The following MAN1A2 variants were observed in gnomAD, a reference collection of about 807,000 sequenced individuals.
The protein encoded by MAN1A2 is mannosyl-oligosaccharide 1,2-alpha-mannosidase IB.
MAN1A2 carries 26 observed loss-of-function variants against 75.7 expected under a neutral mutation model. The ratio of observed to expected loss-of-function variants is 0.34; its 90% confidence interval spans 0.25 to 0.48. The LOEUF (loss-of-function observed/expected upper bound fraction) is 0.48. MAN1A2 is among the 20% of genes least tolerant of loss of function. The pLI, the probability that MAN1A2 is intolerant of heterozygous loss-of-function variation, is 0.99. For missense variants in MAN1A2, 562 were observed against 775.5 expected (o/e 0.72, Z 3.27); for synonymous variants, 247 against 264.6 (o/e 0.93, Z 0.65).
At chr1:117,490,932 G>C (rs1650861515) in intron 8 of MAN1A2, among the ~76,000 whole-genome samples, 1 of 150,676 alleles carries the variant, frequency 6.6e-6, no homozygotes, top group Admixed American at 6.6e-5. Context: ...CAAGGCTCTA[G>C]CTCTCTTCAA....
Position 117,377,776 on chromosome 1 carries a change from T to C in MAN1A2, c.302+9291T>C, listed in dbSNP as rs528289994. On this transcript the variant is annotated intron_variant, in intron 1 of 12. Transcript: ENST00000356554. ...TTAATTTCATAGTTTTATAATAGTA[T>C]GCTTTCATATCTGGTAGGTTAAGTT... Among the ~76,000 whole-genome samples, 46 of 152,348 alleles carry C rather than the reference T, an allele frequency of 3.0e-4. 1 individual carries two copies. Among genetic ancestry groups the C allele is most frequent in the South Asian group, 2.1e-3 (10 of 4,830 alleles).
At chr1:117,403,339 C>T (rs1054579612) in intron 2 of MAN1A2, among the ~76,000 whole-genome samples, 1 of 152,150 alleles carries the variant, frequency 6.6e-6, no homozygotes, top group Non-Finnish European at 1.5e-5. Context: ...GAGCTGTGCT[C>T]TGATTTTACC....
intron 3 of MAN1A2, among the ~76,000 whole-genome samples, chr1:117,407,806 A>C (rs758819795): frequency 2.0e-5 from 3 of 152,210 alleles, no homozygotes; most frequent in Non-Finnish European, 2.9e-5. Flanking sequence ...GTGTTTTGAT[A>C]TAATCAAGCT....
intron 6 of MAN1A2, among the ~76,000 whole-genome samples, chr1:117,445,448 C>A (rs1649189498): frequency 6.6e-6 from 1 of 152,058 alleles, no homozygotes; most frequent in South Asian, 2.1e-4. Flanking sequence ...GATAGATAGA[C>A]CTAAATGCAA....
chr1:117,378,210 A>T (rs1326717466), intron 1 of MAN1A2, among the ~76,000 whole-genome samples: 1 of 152,216 alleles, frequency 6.6e-6, no homozygotes, highest in Non-Finnish European at 1.5e-5. Context: ...AGCTTTGTCA[A>T]ATCCTAACAT....
At chr1:117,399,032 A>G (rs1291742268) in intron 1 of MAN1A2, among the ~76,000 whole-genome samples, 1 of 152,180 alleles carries the variant, frequency 6.6e-6, no homozygotes, top group Non-Finnish European at 1.5e-5. Context: ...ATCGCATGCT[A>G]AAAAGAGTAT....
At chr1:117,412,512 C>T (rs1647855877) in intron 3 of MAN1A2, among the ~76,000 whole-genome samples, 1 of 151,304 alleles carries the variant, frequency 6.6e-6, no homozygotes, top group African/African-American at 2.4e-5. Context: ...TCTCATTCTT[C>T]TATTATTTTG....
chr1:117,417,534 A>AATATATATATATATATATATATATAT (rs551507232), intron 4 of MAN1A2, among the ~76,000 whole-genome samples: 1,925 of 88,302 alleles, frequency 0.022, 86 homozygotes, highest in Non-Finnish European at 0.029. Context: ...CTTGAGTTTA[A>AATATATATATATATATATATATATAT]ATATATATAT....
intron 5 of MAN1A2, among the ~76,000 whole-genome samples, chr1:117,437,517 AATTAAG>A (rs1183835979): frequency 6.6e-6 from 1 of 152,146 alleles, no homozygotes; most frequent in East Asian, 1.9e-4. Context: ...TAACTATAAA[AATTAAG>A]ATTAGATAAT....
chr1:117,394,478 A>G, intron 1 of MAN1A2, among the ~76,000 whole-genome samples: 1 of 152,198 alleles, frequency 6.6e-6, no homozygotes, highest in East Asian at 1.9e-4. Flanking sequence ...TCACTTTGAG[A>G]GAGAATTACT....
chr1:117,373,967 A>G (rs1653059613), intron 1 of MAN1A2, among the ~76,000 whole-genome samples: 1 of 152,106 alleles, frequency 6.6e-6, no homozygotes, highest in South Asian at 2.1e-4. Flanking sequence ...GAAACAAAGG[A>G]TTATAGGCAG....
At chr1:117,453,513 A>G (rs1649486599) in intron 6 of MAN1A2, among the ~76,000 whole-genome samples, 1 of 152,202 alleles carries the variant, frequency 6.6e-6, no homozygotes, top group African/African-American at 2.4e-5. Flanking sequence ...TGTGGTGGAA[A>G]TAGCAAGAGA....
In MAN1A2 at chr1:117,526,864, CTCTCTCTCTCTCTCTCTATATA is replaced by C. The variant is rs1557985587; in HGVS notation, c.*3909_*3930del. On this transcript the variant is annotated 3_prime_UTR_variant, in exon 13 of 13. Transcript: ENST00000356554. ...TTCCTCTCTCTCTCTCTCTCTCTCT[CTCTCTCTCTCTCTCTCTATATA>C]TATATATATATATATATATATATGA... 1 of 96,376 alleles carries C rather than the reference CTCTCTCTCTCTCTCTCTATATA, an allele frequency of 1.0e-5. No individual in the cohort carries two copies. The highest frequency in any genetic ancestry group is 4.2e-5 in the African/African-American group (1 of 23,714). 6.0% of individuals were successfully genotyped at this position (96,376 alleles called of 1,614,324 possible).
intron 5 of MAN1A2, among the ~76,000 whole-genome samples, chr1:117,425,922 C>T (rs948733959): frequency 2.6e-5 from 4 of 152,046 alleles, no homozygotes; most frequent in Admixed American, 6.5e-5. Flanking sequence ...TTTCTTTTTG[C>T]AGGTTCAGGT....
rs1264507770 is a variant in MAN1A2 at position 117,460,648 on chromosome 1, A to G, written c.1074+36A>G. The G allele has an allele frequency of 2.6e-6, 4 of 1,563,110 alleles. No homozygotes were observed. The African/African-American group carries it at 4.1e-5, about 16-fold the overall frequency. ...TTGCCTTCTATTCTTTGTTTGTTAT[A>G]AAGAGTCCTTTAAGATTGGCCCAAA... is the stretch of plus-strand genomic sequence containing the variant. On this transcript the variant is annotated intron_variant, in intron 7 of 12. Transcript: ENST00000356554.
intron 8 of MAN1A2, among the ~76,000 whole-genome samples, chr1:117,476,952 A>G (rs1342774271): frequency 1.3e-5 from 2 of 152,092 alleles, no homozygotes; most frequent in African/African-American, 4.8e-5. Flanking sequence ...TATGGGCAGT[A>G]TGGACATTTT....
At chr1:117,402,507 A>G (rs1331507700) in intron 2 of MAN1A2, 66 bp downstream of exon 2, 2 of 1,414,924 alleles carry the variant, frequency 1.4e-6, no homozygotes, top group Admixed American at 2.3e-5. Flanking sequence ...ACAAATATAT[A>G]TAATCTATGG....
chr1:117,441,431 A>G (rs970301527), intron 5 of MAN1A2, among the ~76,000 whole-genome samples: 2 of 152,174 alleles, frequency 1.3e-5, no homozygotes, highest in African/African-American at 4.8e-5. Context: ...ACCATTTGAG[A>G]GGGGATAGAC....
intron 4 of MAN1A2, among the ~76,000 whole-genome samples, chr1:117,417,465 C>CT (rs1445088963): frequency 6.9e-6 from 1 of 145,368 alleles, no homozygotes; most frequent in Non-Finnish European, 1.5e-5. Flanking sequence ...CATCATCTCT[C>CT]TTTTTCCCTC....
Sources: gnomAD v4.1 joint callset for allele counts (sites outside exome capture counted in the v4.1 genomes callset) on GRCh38, gnomAD v4.1.1 for gene constraint, MANE v1.5 for transcripts, NCBI Gene and HGNC (gene_info 2026-07-23, HGNC 2026-07-21) for gene names.